CHLSN: variants seen among roughly 807,000 people sequenced by gnomAD.
CHLSN encodes cholesin, also known as protein cholesin.
the CHLSN span, among the ~76,000 whole-genome samples, chr7:1,052,244 C>T: frequency 8.9e-4 from 136 of 152,344 alleles, no homozygotes; most frequent in African/African-American, 1.3e-3. This position sits in a 1 kb window ranked among gnomAD's most constrained non-coding sequence, Gnocchi z 4.2. Context: ...GCGCCTGCGT[C>T]GAGGCGTGCC....
the CHLSN span, among the ~76,000 whole-genome samples, chr7:1,035,645 G>T: frequency 3.9e-5 from 6 of 152,196 alleles, no homozygotes; most frequent in African/African-American, 1.4e-4. Context: ...CACCAAATGC[G>T]GGTGAGGATG....
At chr7:1,136,441 T>A in the CHLSN span, among the ~76,000 whole-genome samples, 29 of 119,546 alleles carry the variant, frequency 2.4e-4, 1 homozygote, top group South Asian at 1.4e-3. Flanking sequence ...AACATATATA[T>A]AAATATATAT....
chr7:1,034,266 T>G, the CHLSN span, among the ~76,000 whole-genome samples: 3 of 152,096 alleles, frequency 2.0e-5, no homozygotes, highest in Non-Finnish European at 2.9e-5. Context: ...AGAAACAAAC[T>G]TTGAAGAATC....
chr7:1,014,128 G>C, the CHLSN span, among the ~76,000 whole-genome samples: 1 of 152,162 alleles, frequency 6.6e-6, no homozygotes, highest in Non-Finnish European at 1.5e-5. Context: ...CTTACCATCA[G>C]GCAATGAAAA....
chr7:1,007,971 C>G, the CHLSN span, among the ~76,000 whole-genome samples: 1 of 152,112 alleles, frequency 6.6e-6, no homozygotes, highest in Non-Finnish European at 1.5e-5. Flanking sequence ...CTCCTGCCCA[C>G]GTCCCCAACG....
At chr7:1,059,676 C>A in the CHLSN span, among the ~76,000 whole-genome samples, 22 of 15,138 alleles carry the variant, frequency 1.5e-3, no homozygotes, top group African/African-American at 6.2e-3. Context: ...CATAGTGAGG[C>A]GGGTCCGTAG....
At chr7:999,513 T>A in the CHLSN span, among the ~76,000 whole-genome samples, 4 of 152,210 alleles carry the variant, frequency 2.6e-5, no homozygotes, top group African/African-American at 9.7e-5. Context: ...AGGTCGAGGC[T>A]GCAGTGAACT....
chr7:1,069,350 TCCCTCTCCCCTCTCCCCTCTC>T, the CHLSN span, among the ~76,000 whole-genome samples: 4 of 148,056 alleles, frequency 2.7e-5, no homozygotes, highest in East Asian at 2.0e-4. Flanking sequence ...TAAATAGCTC[TCCCTCTCCCCTCTCCCCTCTC>T]CCCTCTCCCC....
chr7:987,212 G>T, the CHLSN span: 1 of 1,544,654 alleles, frequency 6.5e-7, no homozygotes. Flanking sequence ...GCAGTGGGCC[G>T]CACTTCTGAT....
chr7:1,027,359 G>C, the CHLSN span, among the ~76,000 whole-genome samples: 1 of 152,270 alleles, frequency 6.6e-6, no homozygotes, highest in Non-Finnish European at 1.5e-5. Context: ...AGCCCGGTTC[G>C]CGTGTCCGTG....
chr7:1,000,631 GC>G, the CHLSN span: 1 of 1,198,948 alleles, frequency 8.3e-7, no homozygotes, highest in Non-Finnish European at 1.2e-6. Context: ...GATCGGGGAC[GC>G]CTCATCTTAG....
At chr7:1,039,025 C>T in the CHLSN span, among the ~76,000 whole-genome samples, 1 of 73,676 alleles carries the variant, frequency 1.4e-5, no homozygotes, top group Non-Finnish European at 2.9e-5. Flanking sequence ...GTCGGCCCCC[C>T]GCCCGGCCAG....
At chr7:1,098,358 C>T in the CHLSN span, among the ~76,000 whole-genome samples, 4 of 152,236 alleles carry the variant, frequency 2.6e-5, no homozygotes, top group Non-Finnish European at 5.9e-5. Flanking sequence ...CAAGAATCAA[C>T]ACGTGGAAAC....
At chr7:1,021,534 C>T in the CHLSN span, 128 of 985,328 alleles carry the variant, frequency 1.3e-4, no homozygotes, top group Non-Finnish European at 1.5e-4. Flanking sequence ...GAGCACTGTC[C>T]ATCCACCGCA....
the CHLSN span, among the ~76,000 whole-genome samples, chr7:1,115,257 C>G: frequency 6.6e-6 from 1 of 152,344 alleles, no homozygotes; most frequent in East Asian, 1.9e-4. Context: ...TGTTAAATTT[C>G]TCCAAACACT....
chr7:1,029,626 G>A, the CHLSN span, among the ~76,000 whole-genome samples: 178 of 152,340 alleles, frequency 1.2e-3, no homozygotes, highest in African/African-American at 3.7e-3. Flanking sequence ...CAGTGAGCCC[G>A]GAGGCTGGGC....
chr7:1,098,772 C>T, the CHLSN span, among the ~76,000 whole-genome samples: 1 of 152,208 alleles, frequency 6.6e-6, no homozygotes, highest in African/African-American at 2.4e-5. Context: ...GTGAAACGTG[C>T]AGGGCAGACA....
chr7:997,456 G>T, the CHLSN span: 5 of 576,374 alleles, frequency 8.7e-6, no homozygotes, highest in Non-Finnish European at 1.5e-5. Flanking sequence ...AGGGGCCCTT[G>T]CGAGGCTCTG....
the CHLSN span, chr7:983,416 G>T: frequency 2.1e-6 from 3 of 1,443,178 alleles, no homozygotes; most frequent in South Asian, 2.8e-5. Context: ...AGCTCTTGCC[G>T]CTTGGACAGC....
Sources: gnomAD v4.1 joint callset for allele counts (sites outside exome capture counted in the v4.1 genomes callset) on GRCh38, gnomAD v4.1.1 for gene constraint, Gnocchi (gnomAD v3.1) non-coding constraint, MANE v1.5 for transcripts, NCBI Gene and HGNC (gene_info 2026-07-23, HGNC 2026-07-21) for gene names.